The following EML6 variants were observed in gnomAD, a reference collection of about 807,000 sequenced individuals.
EML6 encodes the protein EMAP like 6, also known as echinoderm microtubule-associated protein-like 6.
In EML6, 154 loss-of-function variants were observed where a neutral mutation model predicts 240.1. That is an observed-to-expected ratio of 0.64 (90% CI 0.56 to 0.73). The LOEUF (loss-of-function observed/expected upper bound fraction) is 0.73. Among genes scored for constraint, EML6 ranks in the 30% least tolerant of loss-of-function variants. EML6 has a pLI of 0.00. For missense variants in EML6, 2,964 were observed against 2,474.6 expected, an observed-to-expected ratio of 1.20 and a Z score of -4.20; for synonymous variants, 1,148 against 899.0, an observed-to-expected ratio of 1.28 and a Z score of -4.95.
chr2:54,802,835 A>C (rs1670244262), intron 2 of EML6, among the ~76,000 whole-genome samples: 1 of 152,156 alleles, frequency 6.6e-6, no homozygotes, highest in Admixed American at 6.5e-5. Context: ...TTCTCAACTC[A>C]GTAGAGAGAC....
intron 35 of EML6, 28 bp downstream of exon 35, chr2:54,960,362 TGG>T (rs1174920011): frequency 6.6e-7 from 1 of 1,511,184 alleles, no homozygotes; most frequent in East Asian, 2.5e-5. Flanking sequence ...CCCTGGGGGC[TGG>T]GCCAGGGAAG....
At chr2:54,799,553 C>T (rs1349098431) in intron 2 of EML6, among the ~76,000 whole-genome samples, 5 of 152,088 alleles carry the variant, frequency 3.3e-5, no homozygotes, top group Non-Finnish European at 7.4e-5. Context: ...CCATGTTGGC[C>T]AGGATGGTCT....
Position 54,916,916 on chromosome 2 carries a change from T to C in EML6, c.3656T>C (p.Leu1219Pro). ...GGAGATGATTTTGGTTTCGTTAAGC[T>C]TTTTTCATATCCTGTCAAGGTAATA... ...ATGDDFGFVK[L>P]FSYPVKGQHA... Residue 1219 changes from leucine (L) to proline (P), a missense_variant, in exon 26 of 42, where the codon CTT becomes CCT. Physicochemically the swap from Leu to Pro is moderately conservative, Grantham distance 98. Transcript: ENST00000356458. The C allele has an allele frequency of 6.5e-7, 1 of 1,545,068 alleles. No homozygotes were observed. Among genetic ancestry groups the C allele is most frequent in the Non-Finnish European group, 8.8e-7 (1 of 1,141,266 alleles).
intron 10 of EML6, among the ~76,000 whole-genome samples, chr2:54,850,855 C>A (rs1040256782): frequency 1.3e-5 from 2 of 152,138 alleles, no homozygotes; most frequent in African/African-American, 4.8e-5. Context: ...TAATGGAATA[C>A]TTTAAAGAAC....
chr2:54,896,689 G>C (rs1207527444), intron 21 of EML6, among the ~76,000 whole-genome samples: 2 of 152,152 alleles, frequency 1.3e-5, no homozygotes, highest in Non-Finnish European at 2.9e-5. Flanking sequence ...TCCTTGCCTT[G>C]ATCTCTGAGT....
At chr2:54,875,070 C>A (rs191184175) in intron 16 of EML6, among the ~76,000 whole-genome samples, 1 of 152,250 alleles carries the variant, frequency 6.6e-6, no homozygotes, top group African/African-American at 2.4e-5. Flanking sequence ...CTGGGACACT[C>A]AGTGTGCAGG....
chr2:54,935,931 G>T (rs757000460), intron 28 of EML6, among the ~76,000 whole-genome samples: 2 of 152,154 alleles, frequency 1.3e-5, no homozygotes, highest in East Asian at 1.9e-4. Flanking sequence ...TCAGGAGGCT[G>T]GGGTGAGAGG....
chr2:54,943,489 G>T (rs906312472), intron 28 of EML6, among the ~76,000 whole-genome samples: 1 of 152,086 alleles, frequency 6.6e-6, no homozygotes, highest in African/African-American at 2.4e-5. Context: ...CATTTCTGCC[G>T]TCACCTTCCT....
At chr2:54,851,408 A>G (rs71413276) in intron 10 of EML6, among the ~76,000 whole-genome samples, 3,244 of 152,236 alleles carry the variant, frequency 0.021, 44 homozygotes, top group Non-Finnish European at 0.034. Flanking sequence ...GTGAGACTCC[A>G]TCTCAAAATA....
At chr2:54,783,643 C>T (rs994527174) in intron 2 of EML6, among the ~76,000 whole-genome samples, 6 of 152,196 alleles carry the variant, frequency 3.9e-5, no homozygotes, top group Non-Finnish European at 8.8e-5. Flanking sequence ...TAGTTTGAAA[C>T]GACTGTGATG....
At chr2:54,783,784 T>A (rs1668955329) in intron 2 of EML6, among the ~76,000 whole-genome samples, 1 of 152,242 alleles carries the variant, frequency 6.6e-6, no homozygotes, top group Non-Finnish European at 1.5e-5. Context: ...ATTTTCTTTT[T>A]GTATAATACT....
At chr2:54,913,963 G>A (rs1673773642) in intron 25 of EML6, among the ~76,000 whole-genome samples, 1 of 152,152 alleles carries the variant, frequency 6.6e-6, no homozygotes, top group Admixed American at 6.5e-5. Context: ...AGATCAGCTG[G>A]CTACAGGTGT....
intron 2 of EML6, among the ~76,000 whole-genome samples, chr2:54,796,477 T>G (rs1427589100): frequency 6.6e-6 from 1 of 151,700 alleles, no homozygotes; most frequent in Non-Finnish European, 1.5e-5. Context: ...AGTGAGCGCT[T>G]TTTTGTTTTG....
chr2:54,923,189 C>T (rs1410259721), intron 26 of EML6, among the ~76,000 whole-genome samples: 1 of 152,032 alleles, frequency 6.6e-6, no homozygotes, highest in Non-Finnish European at 1.5e-5. Flanking sequence ...GATCCATCCA[C>T]CTCAGCCTCC....
intron 2 of EML6, among the ~76,000 whole-genome samples, chr2:54,750,269 C>T (rs1684099582): frequency 1.3e-5 from 2 of 152,308 alleles, no homozygotes; most frequent in Middle Eastern, 3.4e-3. Context: ...AGCTTTAGAC[C>T]TGGAATGGCC....
In EML6 at chr2:54,888,772, G is replaced by A. The variant is rs78458754; in HGVS notation, c.2439-2282G>A. ...TTTGTTTACCCATTCACCTGCTGAA[G>A]GACATCTATGTTGCTGCCACATTTT... On this transcript the variant is annotated intron_variant, in intron 17 of 41. Coordinates refer to ENST00000356458, the MANE Select transcript of EML6 (RefSeq NM_001039753.4). Among the ~76,000 whole-genome samples the A allele has an allele frequency of 2.5e-3, 384 of 152,264 alleles. 5 individuals are homozygous for A. The highest frequency in any genetic ancestry group is 8.7e-3 in the African/African-American group (360 of 41,550).
At chr2:54,939,971 G>A (rs1353045405) in intron 28 of EML6, among the ~76,000 whole-genome samples, 1 of 152,214 alleles carries the variant, frequency 6.6e-6, no homozygotes, top group Admixed American at 6.5e-5. Context: ...TATAAAGGAG[G>A]AATCTGTGAA....
chr2:54,809,175 C>G (rs2104019161), intron 2 of EML6, among the ~76,000 whole-genome samples: 1 of 152,088 alleles, frequency 6.6e-6, no homozygotes, highest in East Asian at 1.9e-4. Flanking sequence ...GCTGTCGTAG[C>G]TAAAATAACT....
At chr2:54,946,297 C>G (rs1172940725) in intron 28 of EML6, among the ~76,000 whole-genome samples, 2 of 152,192 alleles carry the variant, frequency 1.3e-5, no homozygotes, top group African/African-American at 4.8e-5. Context: ...CTCACCTTCC[C>G]AGATCTTGGC....
Sources: allele counts gnomAD v4.1 joint callset (sites outside exome capture counted in the v4.1 genomes callset), GRCh38; gene constraint gnomAD v4.1.1; transcripts MANE v1.5; gene names NCBI Gene and HGNC (gene_info 2026-07-23, HGNC 2026-07-21).